Variants in TBC1D15 observed in about 807,000 individuals in gnomAD.
TBC1D15 encodes TBC1 domain family member 15.
Under a neutral mutation model 95.4 loss-of-function variants are expected in TBC1D15, and 39 were observed. The observed-to-expected ratio is 0.41, with a 90% CI of 0.32 to 0.53. The LOEUF (loss-of-function observed/expected upper bound fraction) is 0.53. Ranked by LOEUF, TBC1D15 falls within the 20% of genes least tolerant of loss-of-function variation. The pLI, the probability that TBC1D15 is intolerant of heterozygous loss-of-function variation, is 0.29. For synonymous variants in TBC1D15, 258 were observed against 261.3 expected (o/e 0.99, Z 0.12); for missense variants, 733 against 794.3 (o/e 0.92, Z 0.93).
At chr12:71,843,320 T>C (rs1885534118) in intron 1 of TBC1D15, among the ~76,000 whole-genome samples, 1 of 152,148 alleles carries the variant, frequency 6.6e-6, no homozygotes, top group African/African-American at 2.4e-5. Context: ...TGTTTTTTTT[T>C]CTTAATTAGA....
At position 71,857,430 on chromosome 12, in the gene TBC1D15, A is replaced by G. The variant is rs144209759; in HGVS notation, c.31-14640A>G. On this transcript the variant is annotated intron_variant, in intron 1 of 16. Coordinates refer to ENST00000485960, the MANE Select transcript of TBC1D15 (RefSeq NM_001146213.3). ...GATAACTTTTCAAATATCAATTATT[A>G]CAATTGATAAACATAAGAAGCAGAA... 5.6e-3 allele frequency among the ~76,000 whole-genome samples: 848 copies of G among 152,330 alleles called. 8 individuals carry two copies. Among genetic ancestry groups the G allele is most frequent in the African/African-American group, 0.02 (812 of 41,560 alleles).
In TBC1D15 at chr12:71,923,319, A is replaced by C. The variant is rs1019674480; in HGVS notation, c.*115A>C. ...TCATGCTTTAAGGTTTATGTAAAGA[A>C]AGTGTACTGATGTTCTTACATTAAA... On this transcript the variant is annotated 3_prime_UTR_variant, in exon 17 of 17. Coordinates refer to ENST00000485960, the MANE Select transcript of TBC1D15 (RefSeq NM_001146213.3). 16 of 882,440 alleles carry C rather than the reference A, an allele frequency of 1.8e-5. No homozygotes were observed. Among genetic ancestry groups the C allele is most frequent in the East Asian group, 1.0e-4 (4 of 40,200 alleles). 54.7% of individuals were successfully genotyped at this position (882,440 alleles called of 1,614,324 possible).
intron 5 of TBC1D15, among the ~76,000 whole-genome samples, chr12:71,889,667 A>G (rs971263667): frequency 1.3e-5 from 2 of 152,160 alleles, no homozygotes; most frequent in Non-Finnish European, 2.9e-5. Context: ...GTTCAGGGGT[A>G]TATGTGCAGG....
chr12:71,881,737 G>C (rs1320907311), intron 4 of TBC1D15, among the ~76,000 whole-genome samples: 1 of 151,826 alleles, frequency 6.6e-6, no homozygotes, highest in African/African-American at 2.4e-5. Context: ...CCAAAATGGT[G>C]AAACCCTGTC....
intron 11 of TBC1D15, among the ~76,000 whole-genome samples, chr12:71,909,389 G>A (rs751013298): frequency 4.6e-5 from 7 of 152,174 alleles, no homozygotes; most frequent in Non-Finnish European, 8.8e-5. Flanking sequence ...ATTGAATACA[G>A]TCTCAGTAGG....
chr12:71,884,939 G>C lies in TBC1D15; in HGVS notation c.472G>C (p.Val158Leu), dbSNP rs149981863. The C allele has an allele frequency of 5.0e-6, 8 of 1,613,934 alleles. No individual in the cohort carries two copies. The highest frequency in any genetic ancestry group is 6.8e-6 in the Non-Finnish European group (8 of 1,179,936). ...TTTGGTATTCTGTCTAAAGGATGAC[G>C]TCGTTCTCCCTGCTCTACACTTTCA... The part of the protein sequence containing the change: ...SYLVFCLKDD[V>L]VLPALHFHQG... The change falls in exon 5 of 17, where the codon GTC becomes CTC. Residue 158 changes from valine to leucine, a missense_variant. Transcript: ENST00000485960.
At chr12:71,903,113 A>C (rs1470258687) in intron 10 of TBC1D15, among the ~76,000 whole-genome samples, 1 of 152,070 alleles carries the variant, frequency 6.6e-6, no homozygotes, top group Non-Finnish European at 1.5e-5. Flanking sequence ...ACAGGATTTT[A>C]CCATCTTGGC....
chr12:71,859,449 T>C (rs1889895122), intron 1 of TBC1D15, among the ~76,000 whole-genome samples: 2 of 152,178 alleles, frequency 1.3e-5, no homozygotes, highest in Admixed American at 1.3e-4. Flanking sequence ...TATTTTGATG[T>C]AATCTTGTTT....
intron 14 of TBC1D15, 135 bp downstream of exon 14, chr12:71,918,683 G>C: frequency 1.8e-6 from 1 of 546,258 alleles, no homozygotes; most frequent in South Asian, 3.0e-5. Context: ...TGATGAACTG[G>C]TAGCCTCTTC....
intron 10 of TBC1D15, among the ~76,000 whole-genome samples, chr12:71,905,918 G>A (rs1900582532): frequency 6.6e-6 from 1 of 151,916 alleles, no homozygotes; most frequent in African/African-American, 2.4e-5. Flanking sequence ...TGTGACCCAT[G>A]CTAGAGTGCA....
chr12:71,900,342 T>G (rs1002407199), intron 10 of TBC1D15, among the ~76,000 whole-genome samples: 4 of 152,132 alleles, frequency 2.6e-5, no homozygotes, highest in Non-Finnish European at 4.4e-5. Flanking sequence ...TCCCAGTTTT[T>G]AAAGCAGTGG....
At chr12:71,906,335 T>C (rs1900705793) in intron 10 of TBC1D15, among the ~76,000 whole-genome samples, 1 of 152,252 alleles carries the variant, frequency 6.6e-6, no homozygotes, top group Admixed American at 6.5e-5. Flanking sequence ...GTTTGGAGAA[T>C]GCCTTGTGGT....
At chr12:71,846,251 G>A (rs1246070832) in intron 1 of TBC1D15, among the ~76,000 whole-genome samples, 1 of 152,190 alleles carries the variant, frequency 6.6e-6, no homozygotes, top group Non-Finnish European at 1.5e-5. Context: ...ATCATTGGAA[G>A]TTTTATAAAT....
At position 71,897,912 on chromosome 12, in the gene TBC1D15, C is replaced by T. The variant is rs578222908; in HGVS notation, c.1154C>T (p.Ser385Leu). ...AGCCAGGAACAAGAGAAAAGAAATT[C>T]GAGGTTAAGAGATTATAGAAGTCTT... Reference protein sequence around the residue: ...SISQEQEKRNSRLRDYRSLIE... With the variant: ...SISQEQEKRNLRLRDYRSLIE... Residue 385 changes from serine to leucine, a missense_variant, in exon 10 of 17, where the codon TCG (serine) becomes TTG (leucine). Transcript: ENST00000485960. 2.4e-5 allele frequency: 39 copies of T among 1,612,318 alleles called. No individual in the cohort carries two copies. The highest frequency in any genetic ancestry group is 2.0e-4 in the East Asian group (9 of 44,662).
intron 12 of TBC1D15, among the ~76,000 whole-genome samples, chr12:71,915,448 T>TAAAAAAAAAAAAAAAAA (rs1236554792): frequency 7.7e-6 from 1 of 130,508 alleles, no homozygotes. Context: ...GTAGATATTC[T>TAAAAAAAAAAAAAAAAA]AAAAAAAAAA....
intron 4 of TBC1D15, among the ~76,000 whole-genome samples, chr12:71,883,825 T>C (rs1167322219): frequency 6.6e-6 from 1 of 152,186 alleles, no homozygotes; most frequent in Non-Finnish European, 1.5e-5. Context: ...AATGGTGTTT[T>C]AGATTAGAAG....
At chr12:71,921,596 G>C (rs764507979) in intron 16 of TBC1D15, 142 bp downstream of exon 16, 3 of 444,964 alleles carry the variant, frequency 6.7e-6, no homozygotes, top group Non-Finnish European at 1.2e-5. Flanking sequence ...TTTGTTTGCT[G>C]TTCTAGATTT....
At chr12:71,845,019 T>C (rs190278109) in intron 1 of TBC1D15, among the ~76,000 whole-genome samples, 2 of 152,198 alleles carry the variant, frequency 1.3e-5, no homozygotes, top group African/African-American at 4.8e-5. Context: ...TTGCTTATGT[T>C]CTTTTCTGAA....
At chr12:71,877,496 TTTCCTTCCTTCCTTCCTTCCTTCC>T (rs200912836) in intron 3 of TBC1D15, among the ~76,000 whole-genome samples, 61 of 89,710 alleles carry the variant, frequency 6.8e-4, no homozygotes, top group African/African-American at 9.9e-4. Context: ...CTTTCCTGTT[TTTCCTTCCTTCCTTCCTTCCTTCC>T]TTCCTTCCTT....
Sources: gnomAD v4.1 joint callset for allele counts (sites outside exome capture counted in the v4.1 genomes callset) on GRCh38, gnomAD v4.1.1 for gene constraint, MANE v1.5 for transcripts, NCBI Gene and HGNC (gene_info 2026-07-23, HGNC 2026-07-21) for gene names.